Variants in GFAP observed in about 807,000 individuals in gnomAD.
GFAP encodes the protein glial fibrillary acidic protein, also known as intermediate filament protein.
In GFAP, 38 loss-of-function variants were observed where a neutral mutation model predicts 49.3. The observed-to-expected ratio is 0.77, with a 90% CI of 0.60 to 1.01. GFAP has a LOEUF of 1.01. Among genes scored for constraint, GFAP ranks in the 50% least tolerant of loss-of-function variants. The pLI is 0.00. For missense variants in GFAP, 463 were observed against 579.1 expected, an observed-to-expected ratio of 0.80 and a Z score of 2.06; for synonymous variants, 222 against 236.4, an observed-to-expected ratio of 0.94 and a Z score of 0.56.
In GFAP at chr17:44,911,813, A is replaced by G. The variant is rs770922700; in HGVS notation, c.781-16T>C. 6.2e-7 allele frequency: 1 copy of G among 1,608,746 alleles called. No homozygotes were observed. The highest frequency in any genetic ancestry group is 8.5e-7 in the Non-Finnish European group (1 of 1,177,340). On this transcript the variant is annotated splice_polypyrimidine_tract_variant and intron_variant, in intron 4 of 8. Transcript: ENST00000588735. ...GGTCTGCAAACTAGGTGGGGGACAC[A>G]TATGGGGGGCTGTGTGGGCCCATGG...
Position 44,905,045 on chromosome 17 carries a change from C to A in GFAP, c.*2302G>T. 1.3e-6 allele frequency: 2 copies of A among 1,546,562 alleles called. No homozygotes were observed. Among genetic ancestry groups the A allele is most frequent in the South Asian group, 1.2e-5 (1 of 83,654 alleles). On this transcript the variant is annotated 3_prime_UTR_variant, in exon 9 of 9. Transcript: ENST00000588735. ...CTGTCGTTGCTGCTGCTACTTATTT[C>A]ACTGTTGTCCCAGCTTCTCCCCCTA...
In GFAP at chr17:44,904,798, C is replaced by T. The variant is rs1386833202; in HGVS notation, c.*2549G>A. ...GTGTCAACAGGTCCATGAGGGTGTT[C>T]ATTGACCACGGCAACCAGCTCCACA... On this transcript the variant is annotated 3_prime_UTR_variant, in exon 9 of 9. Transcript: ENST00000588735. The T allele has an allele frequency of 1.9e-6, 3 of 1,550,544 alleles. No homozygotes were observed. In the East Asian group the frequency reaches 7.3e-5, roughly 38 times the overall value.
rs758920585 is a variant in GFAP at position 44,904,538 on chromosome 17, C to T, written c.*2809G>A. 6.7e-5 allele frequency: 104 copies of T among 1,550,358 alleles called. No homozygotes were observed. Among genetic ancestry groups the T allele is most frequent in the Middle Eastern group, 3.3e-4 (2 of 6,012 alleles). ...GGACCACACGCCTGAGGTGCTGGTT[C>T]GGAGCTGCTTAGTACCCTGTGAGAA... On this transcript the variant is annotated 3_prime_UTR_variant, in exon 9 of 9. Coordinates refer to ENST00000588735, the MANE Select transcript of GFAP (RefSeq NM_002055.5).
rs901172263 is a variant in GFAP at position 44,905,686 on chromosome 17, C to G, written c.*1661G>C. On this transcript the variant is annotated 3_prime_UTR_variant, in exon 9 of 9. Coordinates refer to ENST00000588735, the MANE Select transcript of GFAP (RefSeq NM_002055.5). ...CAGCGACTAAAGGCAGCAGCAGTGCCCTGAAGATTAGCAGCAGCAGCAGCA... is the reference window on the plus strand; with the variant it reads ...CAGCGACTAAAGGCAGCAGCAGTGCGCTGAAGATTAGCAGCAGCAGCAGCA... 1 of 156,750 alleles carries G rather than the reference C, an allele frequency of 6.4e-6. No homozygotes were observed. 9.7% of individuals were successfully genotyped at this position (156,750 alleles called of 1,614,324 possible). A position where few individuals can be genotyped will look rare whatever the true frequency, so the allele number is the denominator to read the frequency against.
At chr17:44,911,837 G>A (rs763589772) in intron 4 of GFAP, 40 bp from the exon 5 acceptor site, 7 of 1,591,204 alleles carry the variant, frequency 4.4e-6, no homozygotes, top group Non-Finnish European at 6.0e-6. Flanking sequence ...GTGGGCCCAT[G>A]GGCAGGCACG....
Position 44,904,071 on chromosome 17 carries a change from A to G in GFAP, c.*3276T>C. 1.3e-6 allele frequency: 2 copies of G among 1,550,646 alleles called. No individual in the cohort carries two copies. The highest frequency in any genetic ancestry group is 1.7e-6 in the Non-Finnish European group (2 of 1,147,012). On this transcript the variant is annotated 3_prime_UTR_variant, in exon 9 of 9. Coordinates refer to ENST00000588735, the MANE Select transcript of GFAP (RefSeq NM_002055.5). ...AGCAGCCACACCAAAGTGCTGACGG[A>G]CTTTGATGGGCGGGTGCTGACGGAG...
chr17:44,904,621 C>A lies in GFAP; in HGVS notation c.*2726G>T, dbSNP rs771678418. 3.2e-6 allele frequency: 5 copies of A among 1,550,572 alleles called. No individual in the cohort carries two copies. Among genetic ancestry groups the A allele is most frequent in the Non-Finnish European group, 4.4e-6 (5 of 1,146,994 alleles). On this transcript the variant is annotated 3_prime_UTR_variant, in exon 9 of 9. Coordinates refer to ENST00000588735, the MANE Select transcript of GFAP (RefSeq NM_002055.5). ...TCATTAACTATGTGTCCAAAGTGGG[C>A]AGCCGGCCCTGGGTGCCCCAGGTGC...
intron 1 of GFAP, 143 bp downstream of exon 1, chr17:44,914,883 G>C: frequency 1.4e-6 from 1 of 698,744 alleles, no homozygotes; most frequent in East Asian, 2.7e-5. Flanking sequence ...TCATGTTGGG[G>C]GGCAAGGATA....
chr17:44,905,224 G>T lies in GFAP; in HGVS notation c.*2123C>A. ...GCTCCCCATTTTCATGGGCAGGTCTGGGACCTGATCTGAGAAGTGGAGGGG... is the reference window on the plus strand; with the variant it reads ...GCTCCCCATTTTCATGGGCAGGTCTTGGACCTGATCTGAGAAGTGGAGGGG... On this transcript the variant is annotated 3_prime_UTR_variant, in exon 9 of 9. Coordinates refer to ENST00000588735, the MANE Select transcript of GFAP (RefSeq NM_002055.5). The T allele has an allele frequency of 1.5e-6, 1 of 656,308 alleles. No individual in the cohort carries two copies. Among genetic ancestry groups the T allele is most frequent in the Non-Finnish European group, 2.7e-6 (1 of 376,484 alleles). The allele number at this position is 656,308 out of a possible 1,614,324, so 40.7% of individuals were successfully genotyped here. A position where few individuals can be genotyped will look rare whatever the true frequency, so the allele number is the denominator to read the frequency against.
At position 44,915,455 on chromosome 17, in the gene GFAP, C is replaced by T. The variant is rs780481913; in HGVS notation, c.32G>A (p.Arg11His). Reference sequence around the variant, plus strand: ...CTCCCCTGAGGAGACGTAGGAGCGGCGAGCAGCGGAGGTGATGCGTCTCCT... The same window carrying T: ...CTCCCCTGAGGAGACGTAGGAGCGGTGAGCAGCGGAGGTGATGCGTCTCCT... MERRRITSAA[R>H]RSYVSSGEMM... The change falls in exon 1 of 9, where the codon CGC becomes CAC. Residue 11 changes from arginine (R) to histidine (H), a missense_variant. Transcript: ENST00000588735. This position sits in a 1 kb window ranked among gnomAD's most constrained non-coding sequence, Gnocchi z 4.1. 31 of 1,602,436 alleles carry T rather than the reference C, an allele frequency of 1.9e-5. No individual in the cohort carries two copies. The highest frequency in any genetic ancestry group is 2.1e-5 in the Non-Finnish European group (25 of 1,175,180).
At position 44,904,554 on chromosome 17, in the gene GFAP, C is replaced by T; in HGVS notation, c.*2793G>A. 2 of 1,550,560 alleles carry T rather than the reference C, an allele frequency of 1.3e-6. No homozygotes were observed. The highest frequency in any genetic ancestry group is 1.2e-5 in the South Asian group (1 of 84,064). On this transcript the variant is annotated 3_prime_UTR_variant, in exon 9 of 9. Coordinates refer to ENST00000588735, the MANE Select transcript of GFAP (RefSeq NM_002055.5). ...GTGCTGGTTCGGAGCTGCTTAGTAC[C>T]CTGTGAGAAGACAAAGACCATCCGG... is the stretch of plus-strand genomic sequence containing the variant.
At chr17:44,914,242 G>A in intron 1 of GFAP, 154 bp from the exon 2 acceptor site, 1 of 622,708 alleles carries the variant, frequency 1.6e-6, no homozygotes. Flanking sequence ...CTTAGACAGA[G>A]GACTTGTCTG....
At chr17:44,913,964 T>G in intron 2 of GFAP, 64 bp downstream of exon 2, 1 of 1,342,612 alleles carries the variant, frequency 7.4e-7, no homozygotes, top group Non-Finnish European at 1.1e-6. Context: ...TTGGGGGCTG[T>G]GTTTGGGTGG....
At position 44,906,932 on chromosome 17, in the gene GFAP, C is replaced by CAA; in HGVS notation, c.*413_*414dup. 3.7e-6 allele frequency: 1 copy of CAA among 268,128 alleles called. No homozygotes were observed. The allele number at this position is 268,128 out of a possible 1,614,324, so 16.6% of individuals were successfully genotyped here. ...TTTCCTCCAGCAGCCTGAGGAAACT[C>CAA]AAAGGCACAGTTCCCAGATACTCCG... On this transcript the variant is annotated 3_prime_UTR_variant, in exon 9 of 9. Transcript: ENST00000588735.
chr17:44,913,662 C>T, intron 3 of GFAP, 66 bp downstream of exon 3: 3 of 1,251,968 alleles, frequency 2.4e-6, no homozygotes, highest in Non-Finnish European at 3.5e-6. Flanking sequence ...GCTTCTCTGT[C>T]TCTGTCTCTC....
chr17:44,911,183 CTCT>C, intron 6 of GFAP, 50 bp downstream of exon 6: 2 of 1,501,860 alleles, frequency 1.3e-6, no homozygotes, highest in Admixed American at 3.3e-5. Flanking sequence ...GCAAGATGAG[CTCT>C]ACCGTGAGGC....
At position 44,914,516 on chromosome 17, in the gene GFAP, C is replaced by T. The variant is rs2051861595; in HGVS notation, c.462-428G>A. ...GAATTTTATTATGACCACCGCTTCA[C>T]AGCTGTGCAAGTCAAAGTAACTTGA... is the stretch of plus-strand genomic sequence containing the variant. On this transcript the variant is annotated intron_variant, in intron 1 of 8. Transcript: ENST00000588735. The T allele has an allele frequency of 1.7e-5, 4 of 229,716 alleles. No homozygotes were observed. In the South Asian group the frequency reaches 3.0e-4, roughly 17 times the overall value. 14.2% of individuals were successfully genotyped at this position (229,716 alleles called of 1,614,324 possible). A position where few individuals can be genotyped will look rare whatever the true frequency, so the allele number is the denominator to read the frequency against.
rs752042929 is a variant in GFAP at position 44,904,826 on chromosome 17, C to T, written c.*2521G>A. ...TGACCACGGCAACCAGCTCCACATC[C>T]GCTTCACCCAGCTGGATGACCGGGG... On this transcript the variant is annotated 3_prime_UTR_variant, in exon 9 of 9. Transcript: ENST00000588735. 7 of 1,550,554 alleles carry T rather than the reference C, an allele frequency of 4.5e-6. No individual in the cohort carries two copies. Among genetic ancestry groups the T allele is most frequent in the African/African-American group, 2.7e-5 (2 of 73,056 alleles).
chr17:44,908,851 A>T (rs2051695589), intron 7 of GFAP: 1 of 151,834 alleles, frequency 6.6e-6, no homozygotes, highest in African/African-American at 2.4e-5. Flanking sequence ...ACAGAGTAAG[A>T]CTCCGTCGAA....
Sources: gnomAD v4.1 joint callset for allele counts on GRCh38, gnomAD v4.1.1 for gene constraint, Gnocchi (gnomAD v3.1) non-coding constraint, MANE v1.5 for transcripts, NCBI Gene and HGNC (gene_info 2026-07-23, HGNC 2026-07-21) for gene names.